Variants in PRKN observed in about 807,000 individuals in gnomAD.
PRKN encodes the protein E3 ubiquitin-protein ligase parkin.
Under a neutral mutation model 59.5 loss-of-function variants are expected in PRKN, and 56 were observed. The ratio of observed to expected loss-of-function variants is 0.94; its 90% CI spans 0.76 to 1.18. The LOEUF is 1.18. Ranked by LOEUF, PRKN falls within the 50% of genes most tolerant of loss-of-function variation. The probability of loss-of-function intolerance (pLI) is 0.00; values close to 1 mark genes in which losing one functional copy is unlikely to be tolerated. For synonymous variants in PRKN, 250 were observed against 222.1 expected, an observed-to-expected ratio of 1.13 and a Z score of -1.12; for missense variants, 657 against 596.4, an observed-to-expected ratio of 1.10 and a Z score of -1.06.
chr6:162,339,608 C>G (rs1784066668), intron 2 of PRKN, among the ~76,000 whole-genome samples: 1 of 151,858 alleles, frequency 6.6e-6, no homozygotes, highest in Non-Finnish European at 1.5e-5. Context: ...AGGAGCCCCT[C>G]TGCCTGGCCA....
chr6:162,699,773 C>T (rs757247304), intron 1 of PRKN, among the ~76,000 whole-genome samples: 2 of 152,056 alleles, frequency 1.3e-5, no homozygotes, highest in Admixed American at 1.3e-4. Flanking sequence ...CTCTCCCGGT[C>T]TCTCAATCAT....
In PRKN at chr6:162,184,391, T is replaced by G. The variant is rs77449126; in HGVS notation, c.534+16740A>C. 7.7e-3 allele frequency among the ~76,000 whole-genome samples: 1,172 copies of G among 152,296 alleles called. 18 individuals carry two copies. Among genetic ancestry groups the G allele is most frequent in the African/African-American group, 0.027 (1,119 of 41,570 alleles). ...GTCCCCACCCAATTATTAGTTCCCA[T>G]AATCCCCATGTTTCACAGGAGGGAC... On this transcript the variant is annotated intron_variant, in intron 4 of 11. Transcript: ENST00000366898.
At chr6:162,039,573 C>A (rs1783983553) in intron 5 of PRKN, among the ~76,000 whole-genome samples, 1 of 152,224 alleles carries the variant, frequency 6.6e-6, no homozygotes, top group Non-Finnish European at 1.5e-5. Flanking sequence ...TCACCTTCCA[C>A]CATGAGTGGC....
intron 6 of PRKN, among the ~76,000 whole-genome samples, chr6:161,927,387 G>A (rs2128240134): frequency 6.6e-6 from 1 of 152,188 alleles, no homozygotes; most frequent in South Asian, 2.1e-4. Flanking sequence ...TAAATAAGGG[G>A]TAAAGAGGAA....
intron 9 of PRKN, among the ~76,000 whole-genome samples, chr6:161,449,714 G>C (rs1434888138): frequency 6.6e-6 from 1 of 152,164 alleles, no homozygotes; most frequent in African/African-American, 2.4e-5. Flanking sequence ...GAGATGGTGG[G>C]TGTTGGACTG....
chr6:161,470,278 C>T lies in PRKN; in HGVS notation c.1083+78576G>A, dbSNP rs114052422. ...ATTACTACCTTTGCTGTCATAGGCCCATTAGGGTATTATTTAATGTAGTCA... is the reference window on the plus strand; with the variant it reads ...ATTACTACCTTTGCTGTCATAGGCCTATTAGGGTATTATTTAATGTAGTCA... On this transcript the variant is annotated intron_variant, in intron 9 of 11. Transcript: ENST00000366898. The surrounding 1 kb of genome is among the most constrained non-coding windows in gnomAD (Gnocchi z 5.1). Among the ~76,000 whole-genome samples the T allele has an allele frequency of 0.011, 1,600 of 152,248 alleles. 9 individuals are homozygous for T. Among genetic ancestry groups the T allele is most frequent in the Middle Eastern group, 0.034 (10 of 294 alleles).
In PRKN at chr6:162,526,270, G is replaced by GAAA. The variant is rs200722148; in HGVS notation, c.8-82798_8-82797insTTT. On this transcript the variant is annotated intron_variant, in intron 1 of 11. Coordinates refer to ENST00000366898, the MANE Select transcript of PRKN (RefSeq NM_004562.3). ...AATGCAGAACCTCCACAAGGCTAAG[G>GAAA]GAAAAAAAAAAACAACTACTACAAA... 7.5e-4 allele frequency among the ~76,000 whole-genome samples: 100 copies of GAAA among 132,850 alleles called. 1 individual carries two copies. Among genetic ancestry groups the GAAA allele is most frequent in the African/African-American group, 1.6e-3 (60 of 36,862 alleles). The allele number at this position is 132,850 out of a possible 152,430, so 87.2% of individuals were successfully genotyped here. A position where few individuals can be genotyped will look rare whatever the true frequency, so the allele number is the denominator to read the frequency against.
intron 4 of PRKN, among the ~76,000 whole-genome samples, chr6:162,068,960 A>G (rs2187207): frequency 0.82 from 124,774 of 152,014 alleles, 51,380 homozygotes; most frequent in East Asian, 0.88. Context: ...GTTGTCAAGT[A>G]CTCAGGCTAT....
At chr6:162,703,454 A>G (rs1584081621) in intron 1 of PRKN, among the ~76,000 whole-genome samples, 1 of 152,306 alleles carries the variant, frequency 6.6e-6, no homozygotes, top group East Asian at 1.9e-4. Flanking sequence ...ATATTTCTAA[A>G]CACCTGGAAT....
intron 3 of PRKN, among the ~76,000 whole-genome samples, chr6:162,202,869 A>G (rs1784788554): frequency 6.6e-6 from 1 of 152,238 alleles, no homozygotes; most frequent in Non-Finnish European, 1.5e-5. Context: ...GCATAGAAGA[A>G]GAAGTGCTTA....
chr6:161,619,981 CTTTTTTTTTTTT>C (rs71004058), intron 7 of PRKN, among the ~76,000 whole-genome samples: 1 of 63,122 alleles, frequency 1.6e-5, no homozygotes, highest in Non-Finnish European at 2.6e-5. Context: ...ACACATTATT[CTTTTTTTTTTTT>C]TTTTTTTTTT....
chr6:162,522,593 G>T (rs544429142), intron 1 of PRKN, among the ~76,000 whole-genome samples: 126 of 152,292 alleles, frequency 8.3e-4, no homozygotes, highest in African/African-American at 2.9e-3. Context: ...CAATGAATTT[G>T]CTACGTAGGC....
rs932777496 is a variant in PRKN at position 162,342,972 on chromosome 6, T to G, written c.172-80207A>C. Among the ~76,000 whole-genome samples, 71 of 152,228 alleles carry G rather than the reference T, an allele frequency of 4.7e-4. 2 individuals are homozygous for G. Among genetic ancestry groups the G allele is most frequent in the Admixed American group, 2.6e-4 (4 of 15,294 alleles). On this transcript the variant is annotated intron_variant, in intron 2 of 11. Coordinates refer to ENST00000366898, the MANE Select transcript of PRKN (RefSeq NM_004562.3). ...TTCCTAGGTTTCTCTCTTGTGGCACTTTAAAAAAAAGTATCCATGAAAGCC... is the reference window on the plus strand; with the variant it reads ...TTCCTAGGTTTCTCTCTTGTGGCACGTTAAAAAAAAGTATCCATGAAAGCC...
intron 6 of PRKN, among the ~76,000 whole-genome samples, chr6:161,812,761 C>T (rs937397527): frequency 6.6e-6 from 1 of 152,144 alleles, no homozygotes; most frequent in Non-Finnish European, 1.5e-5. Context: ...TATAGAGAAA[C>T]TAAAGCCCTT....
intron 7 of PRKN, among the ~76,000 whole-genome samples, chr6:161,746,555 T>C (rs930546333): frequency 1.4e-5 from 2 of 145,636 alleles, no homozygotes; most frequent in Non-Finnish European, 3.0e-5. Flanking sequence ...TTATCTATTT[T>C]TTTATATATA....
At chr6:162,523,687 G>C (rs1277283855) in intron 1 of PRKN, among the ~76,000 whole-genome samples, 2 of 151,700 alleles carry the variant, frequency 1.3e-5, no homozygotes, top group Non-Finnish European at 2.9e-5. Flanking sequence ...AAAATCCATT[G>C]GTTATTACAA....
Position 161,554,948 on chromosome 6 carries a change from A to G in PRKN, c.934-5945T>C, listed in dbSNP as rs1390540066. 6.3e-4 allele frequency among the ~76,000 whole-genome samples: 96 copies of G among 152,004 alleles called. 1 individual carries two copies. The highest frequency in any genetic ancestry group is 1.9e-4 in the Non-Finnish European group (13 of 67,990). ...TAGAATCCAGGAATTTTGTTAGAGT[A>G]TATCTTGGTGCTGGTCATTTCTGGA... On this transcript the variant is annotated intron_variant, in intron 8 of 11. Transcript: ENST00000366898. This position sits in a 1 kb window ranked among gnomAD's most constrained non-coding sequence, Gnocchi z 4.5.
intron 6 of PRKN, among the ~76,000 whole-genome samples, chr6:161,878,394 C>T (rs1295441082): frequency 1.3e-5 from 2 of 151,906 alleles, no homozygotes; most frequent in African/African-American, 4.8e-5. Flanking sequence ...TCTTAGTGGC[C>T]CCTCCCAATC....
At chr6:161,370,591 CAAAAA>C (rs560655971) in intron 10 of PRKN, among the ~76,000 whole-genome samples, 7 of 57,834 alleles carry the variant, frequency 1.2e-4, no homozygotes, top group Non-Finnish European at 2.1e-4. Context: ...GACTCTGTGT[CAAAAA>C]AAAAAAAAAA....
Sources: allele counts gnomAD v4.1 joint callset (sites outside exome capture counted in the v4.1 genomes callset), GRCh38; gene constraint gnomAD v4.1.1; non-coding constraint Gnocchi (gnomAD v3.1); transcripts MANE v1.5; gene names NCBI Gene and HGNC (gene_info 2026-07-23, HGNC 2026-07-21).